C5: variants seen among roughly 807,000 people sequenced by gnomAD.
C5 encodes the protein complement C5.
Under a neutral mutation model 218.8 loss-of-function variants are expected in C5, and 140 were observed. The observed-to-expected ratio is 0.64, with a 90% CI of 0.56 to 0.74. The LOEUF is 0.74. Among genes scored for constraint, C5 ranks in the 30% least tolerant of loss-of-function variants. The pLI is 0.00. For missense variants in C5, 1,700 were observed against 1,969.6 expected, an observed-to-expected ratio of 0.86 and a Z score of 2.59; for synonymous variants, 614 against 682.3, an observed-to-expected ratio of 0.90 and a Z score of 1.56.
At chr9:121,074,211 T>C in the C5 span, among the ~76,000 whole-genome samples, 1 of 150,770 alleles carries the variant, frequency 6.6e-6, no homozygotes, top group Admixed American at 6.7e-5. Context: ...AAGGCGTCAA[T>C]GGTGATAACA....
intron 40 of C5, 116 bp from the exon 41 acceptor site, chr9:120,952,984 C>T (rs781589099): frequency 1.4e-5 from 15 of 1,082,114 alleles, no homozygotes; most frequent in Admixed American, 1.9e-5. Flanking sequence ...AGTGCAGTGG[C>T]GTGATCTCAG....
chr9:120,984,235 C>T (rs1384760793), intron 25 of C5, among the ~76,000 whole-genome samples: 6 of 152,000 alleles, frequency 3.9e-5, no homozygotes, highest in Non-Finnish European at 5.9e-5. Flanking sequence ...TCGGAACTTG[C>T]CCCTCCACAA....
At chr9:120,994,299 T>C (rs2047099830) in intron 22 of C5, among the ~76,000 whole-genome samples, 1 of 152,096 alleles carries the variant, frequency 6.6e-6, no homozygotes, top group Admixed American at 6.5e-5. Context: ...ATATCAGAAA[T>C]AGGCCGGGCA....
intron 10 of C5, 106 bp from the exon 11 acceptor site, chr9:121,021,800 T>C (rs756054577): frequency 5.2e-5 from 58 of 1,112,528 alleles, no homozygotes; most frequent in African/African-American, 1.9e-4. Flanking sequence ...AAATTATTTA[T>C]GTATTTTTTT....
intron 38 of C5, 111 bp downstream of exon 38, chr9:120,960,137 A>T (rs1276184824): frequency 1.4e-6 from 1 of 729,646 alleles, no homozygotes; most frequent in Non-Finnish European, 2.4e-6. Flanking sequence ...AGGGGATCAC[A>T]TGGAATGTTG....
At chr9:121,074,730 CT>C in the C5 span, 5 of 448,066 alleles carry the variant, frequency 1.1e-5, no homozygotes, top group African/African-American at 2.0e-5. Context: ...TCGGCTCCCC[CT>C]GACTCTGCAC....
chr9:121,037,301 G>C (rs138079456), intron 4 of C5, among the ~76,000 whole-genome samples: 1 of 136,960 alleles, frequency 7.3e-6, no homozygotes, highest in African/African-American at 2.8e-5. Context: ...TTTGTTTTTT[G>C]GTTTTTTTTT....
intron 18 of C5, among the ~76,000 whole-genome samples, 161 bp downstream of exon 18, chr9:121,008,247 A>C (rs765722075): frequency 1.3e-5 from 2 of 152,182 alleles, no homozygotes; most frequent in African/African-American, 2.4e-5. Context: ...AAAAAATAAA[A>C]ATTTAAAAAA....
chr9:120,996,228 C>A lies in C5; in HGVS notation c.2851+12G>T, dbSNP rs776295250. 2 of 1,578,646 alleles carry A rather than the reference C, an allele frequency of 1.3e-6. No homozygotes were observed. Among genetic ancestry groups the A allele is most frequent in the South Asian group, 1.1e-5 (1 of 90,338 alleles). ...AAAGATAACATATAAAATAAAAAAT[C>A]ATTTTGCCTACCATAAATACCCCTA... On this transcript the variant is annotated intron_variant, in intron 22 of 40. Transcript: ENST00000223642.
Position 120,996,264 on chromosome 9 carries a change from T to C in C5, c.2827A>G (p.Thr943Ala), listed in dbSNP as rs2047115852. 6.2e-7 allele frequency: 1 copy of C among 1,612,158 alleles called. No homozygotes were observed. The change falls in exon 22 of 41, where the codon ACT becomes GCT. Residue 943 changes from threonine to alanine, a missense_variant. Coordinates refer to ENST00000223642, the MANE Select transcript of C5 (RefSeq NM_001735.3). ...GVKRESYSGV[T>A]LDPRGIYGTI... ...CCATAAATACCCCTAGGATCCAAAG[T>C]AACACCAGAATAGCTTTCCCTTTTG...
At chr9:121,070,384 G>GATATATATATAT in the C5 span, among the ~76,000 whole-genome samples, 68 of 72,864 alleles carry the variant, frequency 9.3e-4, no homozygotes, top group African/African-American at 1.1e-3. Flanking sequence ...AAGGAAGGGT[G>GATATATATATAT]ATATATATAT....
intron 17 of C5, among the ~76,000 whole-genome samples, chr9:121,009,618 A>T (rs183458623): frequency 6.6e-6 from 1 of 152,372 alleles, no homozygotes; most frequent in African/African-American, 2.4e-5. Context: ...AGAAGCCTAC[A>T]CCATTTGTCT....
Position 120,960,259 on chromosome 9 carries a change from T to C in C5, c.4667A>G (p.Glu1556Gly), listed in dbSNP as rs201704886. ...ACTTTTGAACTCACCATATGCAATC[T>C]CTGGTTTACATGCTGTTTGTTTTCT... is the stretch of plus-strand genomic sequence containing the variant. ...ETRKQTACKP[E>G]IAYAYKVSIT... Residue 1556 changes from glutamate (E) to glycine (G), a missense_variant, in exon 38 of 41, where the codon GAG (glutamate) becomes GGG (glycine). Physicochemically the swap from Glu to Gly is moderately conservative, Grantham distance 98. Coordinates refer to ENST00000223642, the MANE Select transcript of C5 (RefSeq NM_001735.3). The C allele has an allele frequency of 8.4e-5, 135 of 1,609,528 alleles. 1 individual carries two copies. Among genetic ancestry groups the C allele is most frequent in the Non-Finnish European group, 4.4e-5 (52 of 1,176,224 alleles).
chr9:121,062,863 T>A, the C5 span, among the ~76,000 whole-genome samples: 1 of 152,186 alleles, frequency 6.6e-6, no homozygotes, highest in African/African-American at 2.4e-5. Context: ...CTTTGTACTA[T>A]CATGTGTTGC....
chr9:120,997,487 T>G, intron 21 of C5, 60 bp downstream of exon 21: 1 of 1,231,938 alleles, frequency 8.1e-7, no homozygotes, highest in Non-Finnish European at 1.2e-6. Context: ...CTCCCCCCCC[T>G]TTCTGTGTCT....
chr9:121,005,231 G>C (rs1305641393), intron 20 of C5, among the ~76,000 whole-genome samples: 1 of 152,162 alleles, frequency 6.6e-6, no homozygotes, highest in African/African-American at 2.4e-5. Flanking sequence ...ATAAATGGTG[G>C]GTCCAATCAT....
chr9:121,055,337 G>A, the C5 span, among the ~76,000 whole-genome samples: 1 of 152,006 alleles, frequency 6.6e-6, no homozygotes, highest in South Asian at 2.1e-4. Flanking sequence ...CAAGTCCTTG[G>A]GCAAGGTCTA....
At chr9:121,022,440 A>T (rs952193786) in intron 10 of C5, among the ~76,000 whole-genome samples, 1 of 148,556 alleles carries the variant, frequency 6.7e-6, no homozygotes, top group African/African-American at 2.4e-5. Flanking sequence ...ATTACTGTAT[A>T]TGCATTATAT....
At chr9:120,967,641 A>T (rs1022126874) in intron 33 of C5, among the ~76,000 whole-genome samples, 1 of 152,166 alleles carries the variant, frequency 6.6e-6, no homozygotes, top group African/African-American at 2.4e-5. Flanking sequence ...TCCTGGCTCT[A>T]CCACTCTCTG....
Sources: gnomAD v4.1 joint callset for allele counts (sites outside exome capture counted in the v4.1 genomes callset) on GRCh38, gnomAD v4.1.1 for gene constraint, MANE v1.5 for transcripts, NCBI Gene and HGNC (gene_info 2026-07-23, HGNC 2026-07-21) for gene names.